The following GALNT13 variants were observed in gnomAD, a reference collection of about 807,000 sequenced individuals.
GALNT13 encodes UDP-GalNAc:polypeptide N-acetylgalactosaminyltransferase 13.
GALNT13 carries 28 observed loss-of-function variants against 64.2 expected under a neutral mutation model. The ratio of observed to expected loss-of-function variants is 0.44; its 90% CI spans 0.32 to 0.60. The LOEUF (loss-of-function observed/expected upper bound fraction) is 0.60. Among genes scored for constraint, GALNT13 ranks in the 20% least tolerant of loss-of-function variants. The pLI, the probability that GALNT13 is intolerant of heterozygous loss-of-function variation, is 0.05. For missense variants in GALNT13, 577 were observed against 669.8 expected (o/e 0.86, Z 1.53); for synonymous variants, 214 against 224.6 (o/e 0.95, Z 0.42).
At chr2:154,059,540 A>C (rs1048590096) in intron 3 of GALNT13, among the ~76,000 whole-genome samples, 1 of 152,128 alleles carries the variant, frequency 6.6e-6, no homozygotes. Context: ...ATGTTAAGCT[A>C]TTCTGTAAAA....
chr2:154,358,347 C>T lies in GALNT13; in HGVS notation c.1157-37644C>T, dbSNP rs75408377. The stretch of plus-strand genomic sequence containing the variant: ...GTAGAAACCTATTTTTTCCACTCTT[C>T]ACTAAATGAACTCAGATTTGGTTAC... On this transcript the variant is annotated intron_variant, in intron 9 of 12. Transcript: ENST00000392825. 8.3e-3 allele frequency among the ~76,000 whole-genome samples: 1,259 copies of T among 152,158 alleles called. 16 individuals are homozygous for T. The highest frequency in any genetic ancestry group is 0.029 in the African/African-American group (1,201 of 41,540).
At chr2:154,420,298 G>T (rs1026067737) in intron 11 of GALNT13, among the ~76,000 whole-genome samples, 3 of 152,002 alleles carry the variant, frequency 2.0e-5, no homozygotes, top group Admixed American at 6.6e-5. Context: ...CTCCTCTAAA[G>T]CTCCTGTTAT....
At chr2:154,258,962 T>C in intron 7 of GALNT13, 59 bp from the exon 8 acceptor site, 1 of 899,406 alleles carries the variant, frequency 1.1e-6, no homozygotes, top group Non-Finnish European at 1.8e-6. Flanking sequence ...TACAGTCTCA[T>C]TAAACTCCAT....
At chr2:154,261,383 A>C (rs1690687130) in intron 8 of GALNT13, among the ~76,000 whole-genome samples, 1 of 152,132 alleles carries the variant, frequency 6.6e-6, no homozygotes, top group Non-Finnish European at 1.5e-5. Flanking sequence ...GCTTTTTATT[A>C]GACTCTTAAT....
chr2:153,234,918 T>C, the GALNT13 span, among the ~76,000 whole-genome samples: 1 of 152,208 alleles, frequency 6.6e-6, no homozygotes, highest in Admixed American at 6.5e-5. Flanking sequence ...TAGCATTTGT[T>C]CAACAGCATG....
At chr2:153,643,845 T>C in the GALNT13 span, among the ~76,000 whole-genome samples, 3 of 152,086 alleles carry the variant, frequency 2.0e-5, no homozygotes, top group East Asian at 5.8e-4. Flanking sequence ...CATTTCAATC[T>C]ATGCAGAAAA....
the GALNT13 span, among the ~76,000 whole-genome samples, chr2:153,774,161 T>C: frequency 1.3e-5 from 2 of 152,116 alleles, no homozygotes; most frequent in Non-Finnish European, 2.9e-5. Context: ...CTTTTAATCA[T>C]GTATATAAAG....
the GALNT13 span, among the ~76,000 whole-genome samples, chr2:153,245,059 G>C: frequency 1.3e-5 from 2 of 152,226 alleles, no homozygotes; most frequent in Non-Finnish European, 2.9e-5. Context: ...TGACCAGACT[G>C]CTTCTCTAGA....
At chr2:153,767,637 G>A in the GALNT13 span, among the ~76,000 whole-genome samples, 2 of 152,062 alleles carry the variant, frequency 1.3e-5, no homozygotes, top group Non-Finnish European at 2.9e-5. Flanking sequence ...TTTAGCAATA[G>A]CCATTTTGAA....
At chr2:154,240,671 C>T (rs1689433172) in intron 4 of GALNT13, among the ~76,000 whole-genome samples, 2 of 152,110 alleles carry the variant, frequency 1.3e-5, no homozygotes, top group Non-Finnish European at 2.9e-5. Context: ...AGCGTGCTAC[C>T]GTGTGCTCTT....
the GALNT13 span, among the ~76,000 whole-genome samples, chr2:153,599,278 T>C: frequency 2.0e-5 from 3 of 152,086 alleles, no homozygotes; most frequent in Non-Finnish European, 4.4e-5. Flanking sequence ...TCAAAATGTA[T>C]ACTAGGTTAA....
At chr2:154,373,033 T>C (rs1196849307) in intron 9 of GALNT13, among the ~76,000 whole-genome samples, 1 of 152,120 alleles carries the variant, frequency 6.6e-6, no homozygotes, top group Non-Finnish European at 1.5e-5. Context: ...ATAACTGAAA[T>C]TATATTTTGG....
intron 12 of GALNT13, chr2:154,441,756 C>G (rs1701309191): frequency 6.6e-6 from 1 of 152,058 alleles, no homozygotes; most frequent in Non-Finnish European, 1.5e-5. Flanking sequence ...GAAACAGTGT[C>G]ATGAAGCCTC....
the GALNT13 span, among the ~76,000 whole-genome samples, chr2:153,824,534 T>C: frequency 6.6e-6 from 1 of 152,170 alleles, no homozygotes; most frequent in Non-Finnish European, 1.5e-5. Flanking sequence ...CACTCCTGTC[T>C]TCTAGTATAT....
At chr2:153,542,318 C>G in the GALNT13 span, among the ~76,000 whole-genome samples, 1 of 145,224 alleles carries the variant, frequency 6.9e-6, no homozygotes, top group Non-Finnish European at 1.5e-5. Flanking sequence ...AAAACTCCAT[C>G]TCAAAAAACA....
chr2:153,829,439 C>A, the GALNT13 span, among the ~76,000 whole-genome samples: 1 of 151,464 alleles, frequency 6.6e-6, no homozygotes, highest in African/African-American at 2.4e-5. Flanking sequence ...AGAGAGAGAG[C>A]TTGTGCAGGG....
chr2:153,673,123 A>G, the GALNT13 span, among the ~76,000 whole-genome samples: 2 of 152,232 alleles, frequency 1.3e-5, no homozygotes, highest in Non-Finnish European at 2.9e-5. Flanking sequence ...AAATTCTACC[A>G]GAGATACAAA....
At chr2:153,606,476 A>T in the GALNT13 span, among the ~76,000 whole-genome samples, 7 of 152,188 alleles carry the variant, frequency 4.6e-5, no homozygotes, top group East Asian at 1.4e-3. Context: ...TTTCTTAAAA[A>T]ATTATGAATT....
the GALNT13 span, among the ~76,000 whole-genome samples, chr2:153,709,019 C>T: frequency 6.6e-6 from 1 of 151,902 alleles, no homozygotes; most frequent in South Asian, 2.1e-4. Context: ...AAAACTTGAA[C>T]CTTTAAAGCT....
Sources: allele counts gnomAD v4.1 joint callset (sites outside exome capture counted in the v4.1 genomes callset), GRCh38; gene constraint gnomAD v4.1.1; transcripts MANE v1.5; gene names NCBI Gene and HGNC (gene_info 2026-07-23, HGNC 2026-07-21).